Variants in NT5DC3 observed in about 807,000 individuals in gnomAD.
NT5DC3 encodes the protein 5'-nucleotidase domain containing 3, also known as 5'-nucleotidase domain-containing protein 3.
In NT5DC3, 42 loss-of-function variants were observed where a neutral mutation model predicts 67.8. That is an observed-to-expected ratio of 0.62 (90% CI 0.48 to 0.80). The LOEUF (loss-of-function observed/expected upper bound fraction) is 0.80, where lower values mean the gene tolerates loss of function less well. NT5DC3 is among the 30% of genes least tolerant of loss of function. NT5DC3 has a pLI of 0.00. For synonymous variants in NT5DC3, 237 were observed against 255.6 expected (o/e 0.93, Z 0.69); for missense variants, 570 against 696.4 (o/e 0.82, Z 2.04).
intron 6 of NT5DC3, among the ~76,000 whole-genome samples, chr12:103,794,365 G>C (rs558975606): frequency 2.0e-5 from 3 of 146,564 alleles, no homozygotes; most frequent in African/African-American, 7.5e-5. Flanking sequence ...GGCCAGGCTG[G>C]TCTCCAACTC....
At chr12:103,755,355 C>T in the NT5DC3 span, 7 of 1,614,048 alleles carry the variant, frequency 4.3e-6, no homozygotes, top group Admixed American at 1.7e-5. Context: ...GGGTTGCCTA[C>T]CCCACAGCCT....
chr12:103,768,187 C>T (rs1885068646), downstream of NT5DC3, among the ~76,000 whole-genome samples: 2 of 151,584 alleles, frequency 1.3e-5, no homozygotes, highest in Non-Finnish European at 2.9e-5. Flanking sequence ...ATAATCCCAG[C>T]ACTCTGGGAG....
rs1885914795 is a variant in NT5DC3 at position 103,788,911 on chromosome 12, C to T, written c.1028G>A (p.Arg343Gln). The change falls in exon 10 of 14, where the codon CGA (arginine) becomes CAA (glutamine). Residue 343 changes from arginine (R) to glutamine (Q), a missense_variant. Arg to Gln is a conservative substitution (Grantham distance 43, BLOSUM62 1). Around this residue, in one of 2 missense-constraint regions of NT5DC3, gnomAD observed 466 missense variants for 608.0 expected, o/e 0.77. Transcript: ENST00000392876. ...NFFNDKRRPF[R>Q]KMNEKGVLLW... ...TAAGACACCTTTCTCATTCATCTTT[C>T]GGAAAGGCCTAACAACAGAAATGGG... 5 of 1,610,780 alleles carry T rather than the reference C, an allele frequency of 3.1e-6. No homozygotes were observed. Among genetic ancestry groups the T allele is most frequent in the Middle Eastern group, 1.7e-4 (1 of 6,050 alleles).
chr12:103,817,953 G>C (rs1385461851), intron 1 of NT5DC3, among the ~76,000 whole-genome samples: 1 of 152,198 alleles, frequency 6.6e-6, no homozygotes, highest in African/African-American at 2.4e-5. Flanking sequence ...AACAGCTCCA[G>C]TCAGGGCACT....
At chr12:103,806,488 G>A (rs1593412853) in intron 3 of NT5DC3, 111 bp from the exon 4 acceptor site, 2 of 756,870 alleles carry the variant, frequency 2.6e-6, no homozygotes, top group East Asian at 2.6e-5. Flanking sequence ...GCCCTAACAA[G>A]GAAGCACACT....
intron 12 of NT5DC3, among the ~76,000 whole-genome samples, chr12:103,780,658 G>A (rs1034975618): frequency 2.6e-5 from 4 of 152,198 alleles, no homozygotes; most frequent in Non-Finnish European, 4.4e-5. Context: ...TAATGCATGT[G>A]TATCCATGTA....
intron 7 of NT5DC3, 87 bp from the exon 8 acceptor site, chr12:103,793,599 C>T (rs972727295): frequency 1.1e-6 from 1 of 926,418 alleles, no homozygotes; most frequent in Non-Finnish European, 1.7e-6. Flanking sequence ...TTGGGTCCAG[C>T]ACTGTCCTAG....
intron 1 of NT5DC3, among the ~76,000 whole-genome samples, chr12:103,839,928 C>T (rs1306614649): frequency 6.6e-6 from 1 of 152,194 alleles, no homozygotes; most frequent in Admixed American, 6.5e-5. Context: ...ATAATCTCTC[C>T]CTATCTATGT....
chr12:103,746,776 TG>T, the NT5DC3 span: 1 of 1,482,546 alleles, frequency 6.7e-7, no homozygotes, highest in Non-Finnish European at 9.4e-7. Context: ...TCACAGTGCC[TG>T]GGCTTCATCC....
At chr12:103,828,865 A>G (rs1887808525) in intron 1 of NT5DC3, among the ~76,000 whole-genome samples, 1 of 151,702 alleles carries the variant, frequency 6.6e-6, no homozygotes, top group South Asian at 2.1e-4. Flanking sequence ...TGCCCAGTTA[A>G]TTTTCGTATT....
chr12:103,825,060 C>G (rs61512578), intron 1 of NT5DC3, among the ~76,000 whole-genome samples: 15,457 of 152,208 alleles, frequency 0.1, 1,125 homozygotes, highest in East Asian at 0.29. Context: ...AGGAACTTGG[C>G]ATGGGGCTGG....
At position 103,776,685 on chromosome 12, in the gene NT5DC3, A is replaced by AAC. The variant is rs1885352889; in HGVS notation, c.*1143_*1144insGT. On this transcript the variant is annotated 3_prime_UTR_variant, in exon 14 of 14. Transcript: ENST00000392876. ...AAAACAAAACAAAACAAAAAAAAAA[A>AAC]AAACAAACTACACAAACTCCCAAAT... 1 of 151,994 alleles carries AAC rather than the reference A, an allele frequency of 6.6e-6. No homozygotes were observed. Among genetic ancestry groups the AAC allele is most frequent in the South Asian group, 2.1e-4 (1 of 4,822 alleles). 9.4% of individuals were successfully genotyped at this position (151,994 alleles called of 1,614,324 possible). A position where few individuals can be genotyped will look rare whatever the true frequency, so the allele number is the denominator to read the frequency against.
At chr12:103,782,194 A>T (rs2139306922) in intron 12 of NT5DC3, among the ~76,000 whole-genome samples, 1 of 152,210 alleles carries the variant, frequency 6.6e-6, no homozygotes, top group African/African-American at 2.4e-5. Flanking sequence ...ACATGGTGAA[A>T]CCCAGTCTCT....
rs1466682127 is a variant in NT5DC3 at position 103,785,336 on chromosome 12, T to C, written c.1328A>G (p.Gln443Arg). The C allele has an allele frequency of 6.2e-7, 1 of 1,613,860 alleles. No homozygotes were observed. The highest frequency in any genetic ancestry group is 8.5e-7 in the Non-Finnish European group (1 of 1,179,878). Reference sequence around the variant, plus strand: ...GAGAGAAAAATAATATATCCAAACCTGCATCTGTTCCAATAAGCCAGTCAA... The same window carrying C: ...GAGAGAAAAATAATATATCCAAACCCGCATCTGTTCCAATAAGCCAGTCAA... ...QTLTGLLEQM[Q>R]VHRDAESQLV... The change falls in exon 12 of 14, where the codon CAG becomes CGG. Residue 443 changes from glutamine (Q) to arginine (R), a missense_variant and splice_region_variant. Gln to Arg is a conservative substitution (Grantham distance 43). This residue lies in a region of NT5DC3 where 466 missense variants were observed against 608.0 expected (regional missense o/e 0.77). Transcript: ENST00000392876.
chr12:103,839,060 A>G (rs1413711578), intron 1 of NT5DC3, among the ~76,000 whole-genome samples: 1 of 152,234 alleles, frequency 6.6e-6, no homozygotes, highest in Non-Finnish European at 1.5e-5. Context: ...ATGAACCTAC[A>G]TGTGAGAAAA....
At chr12:103,799,148 G>A (rs1187006825) in intron 4 of NT5DC3, among the ~76,000 whole-genome samples, 1 of 152,208 alleles carries the variant, frequency 6.6e-6, no homozygotes, top group Non-Finnish European at 1.5e-5. Context: ...CTAATGACTT[G>A]CTTTGGGGTG....
chr12:103,831,170 T>C (rs1243249558), intron 1 of NT5DC3, among the ~76,000 whole-genome samples: 1 of 152,144 alleles, frequency 6.6e-6, no homozygotes, highest in Non-Finnish European at 1.5e-5. Flanking sequence ...AACTGAATCA[T>C]GGGGGCAGCT....
chr12:103,812,715 T>C (rs59330576), intron 2 of NT5DC3, among the ~76,000 whole-genome samples: 24,422 of 151,994 alleles, frequency 0.16, 2,091 homozygotes, highest in African/African-American at 0.18. Context: ...TGGTTCTGTC[T>C]CCTACTGGCC....
chr12:103,763,176 G>A, the NT5DC3 span: 14 of 271,080 alleles, frequency 5.2e-5, no homozygotes, highest in East Asian at 1.1e-3. Flanking sequence ...ACTTCAGGGT[G>A]ATGGGAGTCA....
Sources: gnomAD v4.1 joint callset for allele counts (sites outside exome capture counted in the v4.1 genomes callset) on GRCh38, gnomAD v4.1.1 for gene constraint, gnomAD v4.1.1 regional missense constraint, MANE v1.5 for transcripts, NCBI Gene and HGNC (gene_info 2026-07-23, HGNC 2026-07-21) for gene names.